Variants in CNST observed in about 807,000 individuals in gnomAD.
CNST encodes consortin, connexin sorting protein.
Under a neutral mutation model 72.4 loss-of-function variants are expected in CNST, and 39 were observed. That is an observed-to-expected ratio of 0.54 (90% CI 0.42 to 0.70). The LOEUF (loss-of-function observed/expected upper bound fraction) is 0.70. Ranked by LOEUF, CNST falls within the 30% of genes least tolerant of loss-of-function variation. The pLI is 0.00. For missense variants in CNST, 871 were observed against 868.5 expected, an observed-to-expected ratio of 1.00 and a Z score of -0.04; for synonymous variants, 332 against 320.1, an observed-to-expected ratio of 1.04 and a Z score of -0.40.
At chr1:246,611,743 A>G (rs1288108990) in intron 2 of CNST, among the ~76,000 whole-genome samples, 1 of 152,232 alleles carries the variant, frequency 6.6e-6, no homozygotes, top group African/African-American at 2.4e-5. Flanking sequence ...TACCCAAAAG[A>G]ATAGAAAGCA....
intron 2 of CNST, among the ~76,000 whole-genome samples, chr1:246,605,449 AACAG>A (rs1662659715): frequency 2.0e-5 from 3 of 152,140 alleles, no homozygotes; most frequent in Admixed American, 6.5e-5. Context: ...GGAGCGCGCC[AACAG>A]ACAGCACAAG....
intron 2 of CNST, among the ~76,000 whole-genome samples, chr1:246,614,564 T>A (rs1022131534): frequency 6.6e-6 from 1 of 151,340 alleles, no homozygotes. Context: ...CTCCACTTCC[T>A]GGGTTCAAGT....
In CNST at chr1:246,577,361, T is replaced by C. The variant is rs10159035; in HGVS notation, c.-52+10698T>C. 6.7e-3 allele frequency among the ~76,000 whole-genome samples: 1,019 copies of C among 152,164 alleles called. 24 individuals carry two copies. Among genetic ancestry groups the C allele is most frequent in the African/African-American group, 0.024 (981 of 41,404 alleles). The stretch of plus-strand genomic sequence containing the variant: ...GGTACCTCCTTATTCCGGTTCTCTT[T>C]CTAGACCCTCTACTATCCTCTGTGT... On this transcript the variant is annotated intron_variant, in intron 1 of 10. Coordinates refer to ENST00000366513, the MANE Select transcript of CNST (RefSeq NM_152609.3).
chr1:246,660,177 A>T, intron 9 of CNST, 22 bp from the exon 10 acceptor site: 1 of 1,589,278 alleles, frequency 6.3e-7, no homozygotes, highest in Non-Finnish European at 8.6e-7. Context: ...AAAGAATTAT[A>T]GGTTCTTATA....
At chr1:246,578,328 G>A (rs1019563811) in intron 1 of CNST, among the ~76,000 whole-genome samples, 2 of 151,994 alleles carry the variant, frequency 1.3e-5, no homozygotes, top group Admixed American at 6.5e-5. Context: ...TAAAATTATC[G>A]TGCTCTAAAA....
chr1:246,664,888 A>T (rs192710589), intron 10 of CNST, among the ~76,000 whole-genome samples: 163 of 152,320 alleles, frequency 1.1e-3, no homozygotes, highest in African/African-American at 1.7e-3. Context: ...AATTTTTTTT[A>T]AATTATGAAT....
intron 2 of CNST, among the ~76,000 whole-genome samples, chr1:246,619,723 T>C (rs1663930355): frequency 6.6e-6 from 1 of 152,218 alleles, no homozygotes; most frequent in African/African-American, 2.4e-5. Context: ...GTATTTTACT[T>C]TGGGAGATGA....
chr1:246,656,818 G>A (rs1368749772), intron 9 of CNST, among the ~76,000 whole-genome samples: 1 of 151,976 alleles, frequency 6.6e-6, no homozygotes, highest in East Asian at 1.9e-4. Flanking sequence ...TGTAGTCCCA[G>A]CTACAGGAGG....
chr1:246,578,070 G>A (rs557991271), intron 1 of CNST, among the ~76,000 whole-genome samples: 1 of 151,932 alleles, frequency 6.6e-6, no homozygotes, highest in Non-Finnish European at 1.5e-5. Context: ...AGAGACTTTA[G>A]TATTGTAGTT....
intron 3 of CNST, among the ~76,000 whole-genome samples, chr1:246,628,110 C>G (rs146637408): frequency 0.023 from 3,499 of 152,170 alleles, 121 homozygotes; most frequent in African/African-American, 0.072. Flanking sequence ...CTAGGCCTGT[C>G]TCTCTTTTTC....
chr1:246,635,559 T>C (rs1257494887), intron 6 of CNST, among the ~76,000 whole-genome samples: 1 of 152,172 alleles, frequency 6.6e-6, no homozygotes, highest in African/African-American at 2.4e-5. Flanking sequence ...AAGACAGCAA[T>C]TGGAGATGTT....
At chr1:246,644,914 C>T (rs1462683670) in intron 8 of CNST, among the ~76,000 whole-genome samples, 1 of 152,176 alleles carries the variant, frequency 6.6e-6, no homozygotes, top group African/African-American at 2.4e-5. Context: ...GAGGGAGGGG[C>T]AGACAGCAAG....
chr1:246,600,878 G>A (rs1252308740), intron 2 of CNST, among the ~76,000 whole-genome samples: 2 of 152,178 alleles, frequency 1.3e-5, no homozygotes, highest in African/African-American at 4.8e-5. Context: ...TTACATGTGA[G>A]GAAGTTAAAG....
chr1:246,569,010 A>C (rs1659896443), intron 1 of CNST, among the ~76,000 whole-genome samples: 1 of 152,212 alleles, frequency 6.6e-6, no homozygotes, highest in Non-Finnish European at 1.5e-5. Flanking sequence ...CTGGTATTAC[A>C]GGCATGAGCC....
chr1:246,650,164 G>A (rs950353165), intron 9 of CNST, among the ~76,000 whole-genome samples: 3 of 151,998 alleles, frequency 2.0e-5, no homozygotes, highest in African/African-American at 4.8e-5. Context: ...TTAATGTTGC[G>A]TATTACAATT....
chr1:246,639,697 G>A (rs982090396), intron 6 of CNST, among the ~76,000 whole-genome samples: 1 of 152,276 alleles, frequency 6.6e-6, no homozygotes, highest in South Asian at 2.1e-4. Context: ...GCAAGGGCCC[G>A]GGTTTCGGCA....
chr1:246,576,413 A>T (rs1660433838), intron 1 of CNST, among the ~76,000 whole-genome samples: 1 of 147,094 alleles, frequency 6.8e-6, no homozygotes, highest in African/African-American at 2.5e-5. Flanking sequence ...AACTTTATTG[A>T]TTTTTTTTGC....
At chr1:246,610,458 C>T (rs953445492) in intron 2 of CNST, among the ~76,000 whole-genome samples, 1 of 152,178 alleles carries the variant, frequency 6.6e-6, no homozygotes, top group African/African-American at 2.4e-5. Flanking sequence ...GTCTCGGCTT[C>T]TTCCGGGATG....
intron 2 of CNST, among the ~76,000 whole-genome samples, chr1:246,599,442 G>A (rs1182333495): frequency 1.3e-5 from 2 of 152,136 alleles, no homozygotes; most frequent in Non-Finnish European, 2.9e-5. Context: ...ACATTCCCCA[G>A]CTTCTGTTAC....
Sources: gnomAD v4.1 joint callset for allele counts (sites outside exome capture counted in the v4.1 genomes callset) on GRCh38, gnomAD v4.1.1 for gene constraint, MANE v1.5 for transcripts, NCBI Gene and HGNC (gene_info 2026-07-23, HGNC 2026-07-21) for gene names.